The following TNS1 variants were observed in gnomAD, a reference collection of about 807,000 sequenced individuals.
TNS1 encodes the protein tensin 1.
A neutral mutation model predicts 168.6 loss-of-function variants in TNS1; 62 were observed. That is an observed-to-expected ratio of 0.37 (90% confidence interval 0.30 to 0.45). TNS1 has a LOEUF of 0.45. Among genes scored for constraint, TNS1 ranks in the 20% least tolerant of loss-of-function variants. The pLI, the probability that TNS1 is intolerant of heterozygous loss-of-function variation, is 1.00. For missense variants in TNS1, 2,240 were observed against 2,339.4 expected (o/e 0.96, Z 0.88); for synonymous variants, 934 against 933.2 (o/e 1.00, Z -0.02).
intron 2 of TNS1, among the ~76,000 whole-genome samples, chr2:217,981,279 T>A (rs1392069063): frequency 6.6e-6 from 1 of 152,210 alleles, no homozygotes; most frequent in African/African-American, 2.4e-5. Context: ...TCCAGGCAGA[T>A]CAGCCCTGTG....
intron 31 of TNS1, among the ~76,000 whole-genome samples, chr2:217,808,376 G>C (rs547760485): frequency 1.3e-5 from 2 of 152,274 alleles, no homozygotes; most frequent in African/African-American, 2.4e-5. Context: ...GGGCATGGCA[G>C]AGGGGGTAGC....
rs1354305550 is a variant in TNS1, at chr2:217,848,327, G to A, written c.2190C>T (p.Thr730=). Residue 730 remains threonine (T), a synonymous_variant, in exon 19 of 33, where the codon ACC becomes ACT. Coordinates refer to ENST00000682258, the MANE Select transcript of TNS1 (RefSeq NM_001387777.1). ...TGGGGTCATGGGCATAGTGGGAGGT[G>A]GTCACTGGCTGTGGCCAGGCTGGGT... The part of the protein sequence containing the change: ...GPHPAWPQPV[T]TSHYAHDPSG... The A allele has an allele frequency of 1.3e-6, 2 of 1,537,168 alleles. No individual in the cohort carries two copies. The highest frequency in any genetic ancestry group is 1.4e-5 in the African/African-American group (1 of 72,880).
chr2:217,888,222 A>G (rs1951399509), intron 12 of TNS1, among the ~76,000 whole-genome samples: 1 of 152,186 alleles, frequency 6.6e-6, no homozygotes, highest in African/African-American at 2.4e-5. Context: ...TTCGAGGGAC[A>G]ATGAGTCCGG....
At chr2:217,812,339 G>A in intron 28 of TNS1, 29 bp downstream of exon 28, 1 of 1,594,688 alleles carries the variant, frequency 6.3e-7, no homozygotes. Flanking sequence ...AAGGGTGTGG[G>A]TGGTGAGCCA....
rs529074128 is a variant in TNS1, at chr2:218,026,189, C to G, written c.156+7631G>C. On this transcript the variant is annotated intron_variant, in intron 1 of 1. Transcript: ENST00000649572. ...AATGCTTTTAGGACAGTGGAGGAAACCAAGGCACAGAGAGGTTACATAAGA... is the reference window on the plus strand; with the variant it reads ...AATGCTTTTAGGACAGTGGAGGAAAGCAAGGCACAGAGAGGTTACATAAGA... Among the ~76,000 whole-genome samples the G allele has an allele frequency of 5.3e-5, 8 of 152,266 alleles. No homozygotes were observed. The East Asian group carries it at 1.5e-3, about 29-fold the overall frequency.
chr2:217,805,678 TACAC>T (rs1270469127), intron 32 of TNS1, among the ~76,000 whole-genome samples: 1 of 35,408 alleles, frequency 2.8e-5, no homozygotes, highest in African/African-American at 9.3e-5. Context: ...ACCACACACA[TACAC>T]ACCATCACAC....
chr2:218,014,702 A>T (rs986666174), upstream of TNS1, among the ~76,000 whole-genome samples: 2 of 152,100 alleles, frequency 1.3e-5, no homozygotes, highest in African/African-American at 2.4e-5. Context: ...TTGTTGATAC[A>T]TTTGCTGGCT....
rs547939870 is a variant in TNS1, at chr2:217,827,075, C to T, written c.3373+4380G>A. Among the ~76,000 whole-genome samples, 8 of 152,220 alleles carry T rather than the reference C, an allele frequency of 5.3e-5. No individual in the cohort carries two copies. In the South Asian group the frequency reaches 1.0e-3, roughly 20 times the overall value. ...CCACATGCCCCCTCCTCCCAGCCCC[C>T]ATGACATCCTATTCCTACCTCAGCT... On this transcript the variant is annotated intron_variant, in intron 22 of 32. Transcript: ENST00000682258.
At chr2:217,904,290 CTG>C (rs1252166684) in intron 6 of TNS1, among the ~76,000 whole-genome samples, 2 of 152,226 alleles carry the variant, frequency 1.3e-5, no homozygotes, top group Non-Finnish European at 2.9e-5. Flanking sequence ...CCATTCCTGC[CTG>C]TGAGTCCTGG....
chr2:217,809,480 GATGGATGGA>G (rs1940265120), intron 30 of TNS1, among the ~76,000 whole-genome samples: 1 of 28,868 alleles, frequency 3.5e-5, no homozygotes, highest in Admixed American at 3.4e-4. Context: ...TGGATGGATG[GATGGATGGA>G]TGCATGGATG....
chr2:217,811,187 G>T (rs1940831493), intron 28 of TNS1, among the ~76,000 whole-genome samples: 1 of 152,070 alleles, frequency 6.6e-6, no homozygotes, highest in Admixed American at 6.5e-5. Flanking sequence ...GCCAATATTT[G>T]CATTTTTTAA....
chr2:217,861,302 G>A (rs749386), intron 18 of TNS1, among the ~76,000 whole-genome samples: 43,079 of 151,974 alleles, frequency 0.28, 6,227 homozygotes, highest in South Asian at 0.38. Context: ...TGAATGAGAC[G>A]TGCCTGCCCT....
chr2:217,921,864 G>A (rs1955724963), intron 3 of TNS1, among the ~76,000 whole-genome samples: 1 of 152,110 alleles, frequency 6.6e-6, no homozygotes, highest in Admixed American at 6.5e-5. Flanking sequence ...GGTTACTATT[G>A]TTATTCCCAC....
chr2:217,919,554 G>A (rs539930920), intron 4 of TNS1, among the ~76,000 whole-genome samples: 2 of 152,330 alleles, frequency 1.3e-5, no homozygotes, highest in African/African-American at 4.8e-5. Flanking sequence ...AGAAGGTGGC[G>A]AGAGGCAGGA....
At chr2:217,877,786 G>A (rs1412173055) in intron 18 of TNS1, among the ~76,000 whole-genome samples, 2 of 152,198 alleles carry the variant, frequency 1.3e-5, no homozygotes, top group Admixed American at 1.3e-4. Flanking sequence ...TCTGAGCCTG[G>A]TGCTGGCCAT....
intron 1 of TNS1, among the ~76,000 whole-genome samples, chr2:217,996,845 C>T (rs1300827193): frequency 2.0e-5 from 3 of 152,092 alleles, no homozygotes; most frequent in Non-Finnish European, 4.4e-5. Flanking sequence ...CAAATGCTGC[C>T]ATGTCTTCCC....
upstream of TNS1, among the ~76,000 whole-genome samples, chr2:218,004,041 C>CA (rs927182843): frequency 3.3e-5 from 5 of 151,970 alleles, no homozygotes; most frequent in South Asian, 2.1e-4. Context: ...CGTTCCCCTC[C>CA]AAAAAAAACC....
chr2:218,022,865 C>A (rs942017395), intron 1 of TNS1, among the ~76,000 whole-genome samples: 1 of 152,100 alleles, frequency 6.6e-6, no homozygotes, highest in Non-Finnish European at 1.5e-5. Flanking sequence ...AAGTCACCTC[C>A]TGGTGAGGGG....
intron 4 of TNS1, among the ~76,000 whole-genome samples, chr2:217,917,968 G>A (rs1192049618): frequency 5.3e-5 from 8 of 152,038 alleles, no homozygotes; most frequent in South Asian, 2.1e-4. Flanking sequence ...CAGGAAGGCC[G>A]GGCGGCTGAA....
Sources: allele counts gnomAD v4.1 joint callset (sites outside exome capture counted in the v4.1 genomes callset), GRCh38; gene constraint gnomAD v4.1.1; transcripts MANE v1.5; gene names NCBI Gene and HGNC (gene_info 2026-07-23, HGNC 2026-07-21).